The following PDE8B variants were observed in gnomAD, a reference collection of about 807,000 sequenced individuals.
PDE8B encodes the protein phosphodiesterase 8B.
Under a neutral mutation model 101.3 loss-of-function variants are expected in PDE8B, and 26 were observed. That is an observed-to-expected ratio of 0.26 (90% CI 0.19 to 0.36). PDE8B has a LOEUF of 0.36. Ranked by LOEUF, PDE8B falls within the 10% of genes least tolerant of loss-of-function variation. PDE8B has a pLI of 1.00. For missense variants in PDE8B, 810 were observed against 1,163.1 expected, an observed-to-expected ratio of 0.70 and a Z score of 4.42; for synonymous variants, 424 against 429.3, an observed-to-expected ratio of 0.99 and a Z score of 0.15.
chr5:77,286,835 C>T (rs887413446), intron 1 of PDE8B, among the ~76,000 whole-genome samples: 9 of 152,044 alleles, frequency 5.9e-5, no homozygotes, highest in Non-Finnish European at 1.3e-4. Flanking sequence ...TATTAGTTAA[C>T]TCCCTGTTTA....
At chr5:77,133,431 T>G in the PDE8B span, among the ~76,000 whole-genome samples, 1 of 152,262 alleles carries the variant, frequency 6.6e-6, no homozygotes, top group African/African-American at 2.4e-5. Context: ...TGGATGTTTG[T>G]CATATAACAT....
intron 1 of PDE8B, among the ~76,000 whole-genome samples, chr5:77,234,193 G>A (rs912644814): frequency 6.6e-6 from 1 of 152,020 alleles, no homozygotes; most frequent in Non-Finnish European, 1.5e-5. Flanking sequence ...AATCTTGACC[G>A]CACCTCCTAA....
At chr5:77,176,204 A>C in the PDE8B span, among the ~76,000 whole-genome samples, 1 of 151,966 alleles carries the variant, frequency 6.6e-6, no homozygotes, top group Non-Finnish European at 1.5e-5. Context: ...CCTCACTCCC[A>C]CTCGTATTCC....
At chr5:77,300,227 T>G (rs116620738) in intron 1 of PDE8B, among the ~76,000 whole-genome samples, 1 of 152,352 alleles carries the variant, frequency 6.6e-6, no homozygotes, top group African/African-American at 2.4e-5. Flanking sequence ...TAGACGAGAA[T>G]ACGTTACTCA....
Position 77,224,572 on chromosome 5 carries a change from T to G in PDE8B, c.339+13308T>G, listed in dbSNP as rs143052393. 1.1e-3 allele frequency among the ~76,000 whole-genome samples: 160 copies of G among 152,352 alleles called. No homozygotes were observed. The East Asian group carries it at 0.022, about 21-fold the overall frequency. ...GTAACTCTGAAAGAGAAGGACTGTT[T>G]AGAAAACACAACCACAATACTATTA... On this transcript the variant is annotated intron_variant, in intron 1 of 21. Coordinates refer to ENST00000264917, the MANE Select transcript of PDE8B (RefSeq NM_003719.5).
At chr5:77,210,465 G>A (rs924088913), upstream of PDE8B, 106 of 232,368 alleles carry the variant, frequency 4.6e-4, 1 homozygote, top group South Asian at 1.5e-3. The surrounding 1 kb of genome is among the most constrained non-coding windows in gnomAD (Gnocchi z 4.9). Context: ...GGAGGGAGGG[G>A]ACGGGCGCAG....
chr5:77,269,526 G>A (rs576995783), intron 1 of PDE8B, among the ~76,000 whole-genome samples: 103 of 152,200 alleles, frequency 6.8e-4, no homozygotes, highest in African/African-American at 2.3e-3. Context: ...TGCTTGTGGG[G>A]TATTACTCAA....
the PDE8B span, among the ~76,000 whole-genome samples, chr5:77,099,464 C>G: frequency 7.9e-5 from 12 of 152,184 alleles, no homozygotes; most frequent in Admixed American, 7.9e-4. Flanking sequence ...AGAAGTAACT[C>G]CAATGTGGTC....
At chr5:77,360,477 C>T (rs1043475769) in intron 10 of PDE8B, among the ~76,000 whole-genome samples, 2 of 152,180 alleles carry the variant, frequency 1.3e-5, no homozygotes, top group African/African-American at 4.8e-5. Context: ...TCCAAAGCAA[C>T]AGTTGGTGGC....
Position 77,412,146 on chromosome 5 carries a change from T to C in PDE8B, c.1623T>C (p.Asn541=). The C allele has an allele frequency of 6.2e-7, 1 of 1,613,934 alleles. No individual in the cohort carries two copies. The highest frequency in any genetic ancestry group is 8.5e-7 in the Non-Finnish European group (1 of 1,179,774). The change falls in exon 16 of 22, where the codon AAT becomes AAC. Residue 541 remains asparagine (N), a synonymous_variant. Transcript: ENST00000264917. Reference sequence around the variant, plus strand: ...ACCTTGCAATGCCAATAACCATCAATGATGTTCCCCCTTGTATCTCTCAAT... The same window carrying C: ...ACCTTGCAATGCCAATAACCATCAACGATGTTCCCCCTTGTATCTCTCAAT... ...HSHLAMPITI[N]DVPPCISQLL...
the PDE8B span, chr5:77,146,987 T>C: frequency 2.1e-6 from 1 of 469,198 alleles, no homozygotes. Context: ...CTGCCTCAGA[T>C]GATAAGCAGC....
the PDE8B span, among the ~76,000 whole-genome samples, chr5:77,182,612 T>C: frequency 2.0e-5 from 3 of 152,150 alleles, no homozygotes; most frequent in Non-Finnish European, 4.4e-5. Flanking sequence ...TGATAAACAA[T>C]TGACTTACCT....
chr5:77,120,353 C>T, the PDE8B span, among the ~76,000 whole-genome samples: 1 of 152,154 alleles, frequency 6.6e-6, no homozygotes, highest in Non-Finnish European at 1.5e-5. Flanking sequence ...TGTCAATGTA[C>T]TTTTCAAAAC....
chr5:77,262,326 G>A (rs1185665847), intron 1 of PDE8B, among the ~76,000 whole-genome samples: 2 of 152,168 alleles, frequency 1.3e-5, no homozygotes, highest in Non-Finnish European at 2.9e-5. Context: ...TACTAAAGTG[G>A]TCATGGGTTA....
rs769635834 is a variant in PDE8B, at chr5:77,211,165, G to A, written c.240G>A (p.Ala80=). ...ARTELGSGSS[A]GSAAPAATTS... is the part of the protein sequence containing the mutation. The stretch of plus-strand genomic sequence containing the variant: ...CCGAGCTGGGCAGCGGTAGCAGCGC[G>A]GGTTCCGCAGCCCCCGCCGCGACCA... Residue 80 remains alanine (A), a synonymous_variant, in exon 1 of 22, where the codon GCG becomes GCA. Coordinates refer to ENST00000264917, the MANE Select transcript of PDE8B (RefSeq NM_003719.5). This position sits in a 1 kb window ranked among gnomAD's most constrained non-coding sequence, Gnocchi z 4.1. 1.6e-5 allele frequency: 24 copies of A among 1,532,830 alleles called. No individual in the cohort carries two copies. The highest frequency in any genetic ancestry group is 1.9e-5 in the Non-Finnish European group (22 of 1,146,464). The allele number at this position is 1,532,830 out of a possible 1,614,324, so 95.0% of individuals were successfully genotyped here.
chr5:77,406,409 G>A (rs1032894578), intron 12 of PDE8B, among the ~76,000 whole-genome samples: 1 of 152,238 alleles, frequency 6.6e-6, no homozygotes, highest in Non-Finnish European at 1.5e-5. Flanking sequence ...AATATGAATC[G>A]AGAGATTTTT....
chr5:77,352,088 A>G (rs539083602), intron 9 of PDE8B, among the ~76,000 whole-genome samples: 1 of 152,252 alleles, frequency 6.6e-6, no homozygotes, highest in East Asian at 1.9e-4. Flanking sequence ...ATTTCATGCC[A>G]TTTTGTAATT....
At position 77,238,538 on chromosome 5, in the gene PDE8B, A is replaced by G. The variant is rs187259054; in HGVS notation, c.339+27274A>G. Among the ~76,000 whole-genome samples, 22 of 152,350 alleles carry G rather than the reference A, an allele frequency of 1.4e-4. 1 individual carries two copies. Among genetic ancestry groups the G allele is most frequent in the African/African-American group, 5.0e-4 (21 of 41,590 alleles). On this transcript the variant is annotated intron_variant, in intron 1 of 21. Coordinates refer to ENST00000264917, the MANE Select transcript of PDE8B (RefSeq NM_003719.5). ...TTAGTCTTTGTCAGATAATTCCAGC[A>G]TCTTTGTCATTTTTGTGTTGACATC...
At chr5:77,110,388 A>C in the PDE8B span, among the ~76,000 whole-genome samples, 1 of 152,202 alleles carries the variant, frequency 6.6e-6, no homozygotes, top group Non-Finnish European at 1.5e-5. Flanking sequence ...CATTCATCAC[A>C]TGGAATCCAT....
Sources: gnomAD v4.1 joint callset for allele counts (sites outside exome capture counted in the v4.1 genomes callset) on GRCh38, gnomAD v4.1.1 for gene constraint, Gnocchi (gnomAD v3.1) non-coding constraint, MANE v1.5 for transcripts, NCBI Gene and HGNC (gene_info 2026-07-23, HGNC 2026-07-21) for gene names.